The following DAB1 variants were observed in gnomAD, a reference collection of about 807,000 sequenced individuals.
DAB1 encodes the protein DAB adaptor protein 1.
A neutral mutation model predicts 64.6 loss-of-function variants in DAB1; 15 were observed. The observed-to-expected ratio is 0.23, with a 90% CI of 0.16 to 0.36. The LOEUF is 0.36. DAB1 is among the 10% of genes least tolerant of loss of function. DAB1 has a pLI of 1.00. For missense variants in DAB1, 596 were observed against 706.7 expected (o/e 0.84, Z 1.78); for synonymous variants, 235 against 251.9 (o/e 0.93, Z 0.64).
At chr1:58,134,555 G>A (rs1653835045) in intron 5 of DAB1, among the ~76,000 whole-genome samples, 1 of 152,144 alleles carries the variant, frequency 6.6e-6, no homozygotes, top group African/African-American at 2.4e-5. Context: ...GCTTCTGCAG[G>A]CTGTACAGGC....
At chr1:58,101,039 G>A (rs571613959) in intron 5 of DAB1, among the ~76,000 whole-genome samples, 4 of 152,268 alleles carry the variant, frequency 2.6e-5, no homozygotes, top group South Asian at 2.1e-4. Context: ...AGTCACAGCC[G>A]GGCGCGGTGG....
At position 57,702,437 on chromosome 1, in the gene DAB1, C is replaced by G. The variant is rs531309816; in HGVS notation, n.552-52772G>C. On this transcript the variant is annotated intron_variant and non_coding_transcript_variant, in intron 6 of 20. Transcript: ENST00000485760. ...GCATAATTCAAAGGGTGTTGCTCCT[C>G]CAGGATGCCATTTCTAGTCCTGCTC... 3.3e-5 allele frequency among the ~76,000 whole-genome samples: 5 copies of G among 152,252 alleles called. No individual in the cohort carries two copies. The East Asian group carries it at 9.7e-4, about 29-fold the overall frequency.
chr1:58,540,825 A>AC (rs920238091), intron 1 of DAB1, among the ~76,000 whole-genome samples: 3 of 152,018 alleles, frequency 2.0e-5, no homozygotes, highest in East Asian at 1.9e-4. Context: ...GAAAAAAAAA[A>AC]CACTTGAAAT....
At chr1:57,728,624 C>A (rs1647283684) in intron 6 of DAB1, among the ~76,000 whole-genome samples, 1 of 151,976 alleles carries the variant, frequency 6.6e-6, no homozygotes, top group Non-Finnish European at 1.5e-5. Context: ...AAAAACCACC[C>A]CCTGAGATGT....
Position 58,527,297 on chromosome 1 carries a change from G to A in DAB1, n.71C>T, listed in dbSNP as rs748310578. 4.4e-5 allele frequency: 38 copies of A among 871,878 alleles called. 1 individual carries two copies. Among genetic ancestry groups the A allele is most frequent in the Middle Eastern group, 2.2e-4 (1 of 4,630 alleles). The allele number at this position is 871,878 out of a possible 1,614,324, so 54.0% of individuals were successfully genotyped here. A position where few individuals can be genotyped will look rare whatever the true frequency, so the allele number is the denominator to read the frequency against. ...GCAGTAGTCCAATTTTGTCAGCTTC[G>A]GCCTCCAATTTTCTGCTGTATGGTC... is the stretch of plus-strand genomic sequence containing the variant. On this transcript the variant is annotated non_coding_transcript_exon_variant, in exon 2 of 21. Transcript: ENST00000485760.
chr1:57,596,862 C>G (rs1030420293), intron 7 of DAB1, among the ~76,000 whole-genome samples: 5 of 152,080 alleles, frequency 3.3e-5, no homozygotes, highest in Admixed American at 6.5e-5. Context: ...ATGATTCAAC[C>G]AATCAATTTA....
intron 4 of DAB1, among the ~76,000 whole-genome samples, chr1:57,080,460 CT>C (rs1652394809): frequency 6.6e-6 from 1 of 152,134 alleles, no homozygotes; most frequent in Admixed American, 6.6e-5. Flanking sequence ...TCATTAATTT[CT>C]TTTAAATTTT....
intron 5 of DAB1, among the ~76,000 whole-genome samples, chr1:58,104,942 G>A (rs931981215): frequency 1.3e-5 from 2 of 152,076 alleles, no homozygotes; most frequent in African/African-American, 2.4e-5. Context: ...AGGGAATGTC[G>A]CACATTCAAT....
intron 6 of DAB1, among the ~76,000 whole-genome samples, chr1:57,727,364 A>G (rs1424334466): frequency 6.6e-6 from 1 of 152,262 alleles, no homozygotes; most frequent in African/African-American, 2.4e-5. Context: ...GGGCACCCAC[A>G]GGAATAGCAG....
intron 1 of DAB1, among the ~76,000 whole-genome samples, chr1:57,332,598 T>C (rs565036158): frequency 6.6e-6 from 1 of 152,320 alleles, no homozygotes; most frequent in South Asian, 2.1e-4. Flanking sequence ...AGTCTTCCAA[T>C]GACTCCACTT....
intron 7 of DAB1, among the ~76,000 whole-genome samples, chr1:57,439,154 G>C (rs925616098): frequency 5.9e-5 from 9 of 152,038 alleles, no homozygotes; most frequent in African/African-American, 2.2e-4. Context: ...TTTGAAGGGG[G>C]AAGAATGTAA....
chr1:57,920,775 G>C (rs1246295282), intron 5 of DAB1, among the ~76,000 whole-genome samples: 3 of 152,150 alleles, frequency 2.0e-5, no homozygotes, highest in African/African-American at 7.2e-5. Flanking sequence ...TATGTATAAG[G>C]CATCATTAGT....
rs377408427 is a variant in DAB1 at position 57,922,467 on chromosome 1, GGAAGCT to G, written n.388-38311_388-38306del. The stretch of plus-strand genomic sequence containing the variant: ...AAAAAGAAATTAAAACAGAGAAAAA[GGAAGCT>G]GAACAGAGTACACAGCTTGGGAGCC... On this transcript the variant is annotated intron_variant and non_coding_transcript_variant, in intron 5 of 20. Transcript: ENST00000485760. Among the ~76,000 whole-genome samples the G allele has an allele frequency of 7.0e-4, 106 of 152,170 alleles. 2 individuals are homozygous for G. The highest frequency in any genetic ancestry group is 2.5e-3 in the African/African-American group (105 of 41,524).
At chr1:58,497,219 AAAAC>A (rs1200610465) in intron 3 of DAB1, among the ~76,000 whole-genome samples, 8 of 152,184 alleles carry the variant, frequency 5.3e-5, no homozygotes, top group African/African-American at 1.9e-4. Context: ...GACAAGTTTT[AAAAC>A]AAACAAAACA....
chr1:57,084,405 T>G (rs1204970198), intron 4 of DAB1, among the ~76,000 whole-genome samples: 1 of 152,194 alleles, frequency 6.6e-6, no homozygotes, highest in African/African-American at 2.4e-5. Flanking sequence ...CACCTTGATC[T>G]GGGATGTCCA....
At chr1:57,960,856 CT>C (rs1369104503) in intron 5 of DAB1, among the ~76,000 whole-genome samples, 1 of 152,216 alleles carries the variant, frequency 6.6e-6, no homozygotes, top group Admixed American at 6.5e-5. Context: ...AGCCTCAACC[CT>C]TAGGAGCTTG....
intron 3 of DAB1, among the ~76,000 whole-genome samples, chr1:58,393,420 T>G (rs1173606281): frequency 1.3e-5 from 2 of 151,942 alleles, no homozygotes; most frequent in Non-Finnish European, 2.9e-5. Flanking sequence ...ACGCTAAGAG[T>G]TTTATATGCA....
chr1:57,905,024 T>C (rs1410106017), intron 5 of DAB1, among the ~76,000 whole-genome samples: 14 of 152,192 alleles, frequency 9.2e-5, no homozygotes, highest in Non-Finnish European at 4.4e-5. Flanking sequence ...TTGCACTTAC[T>C]ATATACTAGG....
chr1:57,684,339 A>G (rs1007556973), intron 6 of DAB1, among the ~76,000 whole-genome samples: 2 of 152,136 alleles, frequency 1.3e-5, no homozygotes, highest in African/African-American at 4.8e-5. Context: ...ACTAAGGTCA[A>G]TGCAAAATAA....
Sources: allele counts gnomAD v4.1 joint callset (sites outside exome capture counted in the v4.1 genomes callset), GRCh38; gene constraint gnomAD v4.1.1; transcripts MANE v1.5; gene names NCBI Gene and HGNC (gene_info 2026-07-23, HGNC 2026-07-21).